The following CDH13 variants were observed in gnomAD, a reference collection of about 807,000 sequenced individuals.
The protein encoded by CDH13 is cadherin-13.
In CDH13, 24 loss-of-function variants were observed where a neutral mutation model predicts 63.8. The observed-to-expected ratio is 0.38, with a 90% CI of 0.27 to 0.53. CDH13 has a LOEUF of 0.53. Ranked by LOEUF, CDH13 falls within the 20% of genes least tolerant of loss-of-function variation. The pLI is 0.85. For synonymous variants in CDH13, 503 were observed against 355.3 expected (o/e 1.42, Z -4.67); for missense variants, 1,049 against 903.1 (o/e 1.16, Z -2.07).
chr16:83,278,508 T>G (rs1411071053), intron 5 of CDH13, among the ~76,000 whole-genome samples: 3 of 152,132 alleles, frequency 2.0e-5, no homozygotes, highest in African/African-American at 7.2e-5. Context: ...CCCGTTATAG[T>G]TGGTTTTGAG....
chr16:83,285,966 T>C (rs542502184), intron 5 of CDH13, among the ~76,000 whole-genome samples: 11 of 152,164 alleles, frequency 7.2e-5, no homozygotes, highest in Non-Finnish European at 1.6e-4. Flanking sequence ...TTCCTGCCCA[T>C]GTCCTGCCCA....
intron 4 of CDH13, among the ~76,000 whole-genome samples, chr16:83,168,029 T>C (rs552454930): frequency 6.6e-6 from 1 of 151,874 alleles, no homozygotes; most frequent in South Asian, 2.1e-4. Context: ...ATGGCAACAA[T>C]AGACAGTGGG....
chr16:82,957,570 T>C (rs1293686288), intron 2 of CDH13, among the ~76,000 whole-genome samples: 2 of 152,188 alleles, frequency 1.3e-5, no homozygotes, highest in East Asian at 1.9e-4. Flanking sequence ...CCCCCTGCTA[T>C]CTTCTGAATC....
At chr16:82,951,565 C>T (rs1240456898) in intron 2 of CDH13, among the ~76,000 whole-genome samples, 7 of 152,164 alleles carry the variant, frequency 4.6e-5, no homozygotes, top group Admixed American at 4.6e-4. Flanking sequence ...GAGCTCAGTC[C>T]ATGGCAATGA....
At chr16:83,741,657 C>A (rs1453977258) in intron 10 of CDH13, among the ~76,000 whole-genome samples, 1 of 152,002 alleles carries the variant, frequency 6.6e-6, no homozygotes, top group Non-Finnish European at 1.5e-5. Context: ...TGCATTGATC[C>A]ATTTGGCTAT....
intron 1 of CDH13, among the ~76,000 whole-genome samples, chr16:82,680,113 A>G (rs377493069): frequency 3.9e-5 from 6 of 152,270 alleles, no homozygotes; most frequent in African/African-American, 1.2e-4. Flanking sequence ...CTTCCAGCGT[A>G]GGTCATTGTT....
At chr16:83,010,459 C>G (rs904495036) in intron 2 of CDH13, among the ~76,000 whole-genome samples, 2 of 151,992 alleles carry the variant, frequency 1.3e-5, no homozygotes, top group African/African-American at 4.8e-5. Context: ...AGAGTATAAA[C>G]CATAGGTAAT....
intron 8 of CDH13, among the ~76,000 whole-genome samples, chr16:83,668,778 G>A (rs560291037): frequency 2.8e-4 from 42 of 152,184 alleles, no homozygotes; most frequent in Non-Finnish European, 4.4e-4. Context: ...TTCCTTCTCT[G>A]TGCAATCATC....
chr16:83,035,257 G>A (rs1916745256), intron 3 of CDH13, among the ~76,000 whole-genome samples: 1 of 152,264 alleles, frequency 6.6e-6, no homozygotes, highest in East Asian at 1.9e-4. Context: ...GAGTGCCTGA[G>A]TCAGCTCAGC....
chr16:82,656,004 A>G (rs370656657), intron 1 of CDH13, among the ~76,000 whole-genome samples: 234 of 152,294 alleles, frequency 1.5e-3, no homozygotes, highest in African/African-American at 5.4e-3. Flanking sequence ...TGTGAGAGAC[A>G]GAAACTTCAG....
At chr16:82,726,733 C>A (rs1057121373) in intron 1 of CDH13, among the ~76,000 whole-genome samples, 8 of 152,240 alleles carry the variant, frequency 5.3e-5, no homozygotes, top group Non-Finnish European at 2.9e-5. Context: ...GATTAAGTGC[C>A]TTAAACAGTA....
intron 2 of CDH13, among the ~76,000 whole-genome samples, chr16:82,873,400 T>G (rs1440788403): frequency 6.6e-6 from 1 of 152,226 alleles, no homozygotes; most frequent in Non-Finnish European, 1.5e-5. Flanking sequence ...CCCCATTATC[T>G]TTCCATATGG....
Position 83,624,766 on chromosome 16 carries a change from A to T in CDH13, c.1101+22172A>T, listed in dbSNP as rs142305328. ...GGGGAGAAAATGAGGCCTGTGGTTG[A>T]CTGCACCAACGTGACCTCAAGGAGC... On this transcript the variant is annotated intron_variant, in intron 8 of 13. Coordinates refer to ENST00000567109, the MANE Select transcript of CDH13 (RefSeq NM_001257.5). Among the ~76,000 whole-genome samples the T allele has an allele frequency of 1.9e-4, 29 of 152,216 alleles. 1 individual carries two copies. In the Middle Eastern group the frequency reaches 0.014, roughly 71 times the overall value.
intron 5 of CDH13, among the ~76,000 whole-genome samples, chr16:83,289,275 C>T (rs1020324268): frequency 2.6e-5 from 4 of 152,186 alleles, no homozygotes; most frequent in African/African-American, 7.2e-5. Flanking sequence ...ATTGTAACAC[C>T]AGCTTCACTA....
At chr16:83,312,742 A>G (rs2090027489) in intron 5 of CDH13, among the ~76,000 whole-genome samples, 1 of 152,210 alleles carries the variant, frequency 6.6e-6, no homozygotes, top group Admixed American at 6.5e-5. Context: ...ATTACATAAA[A>G]TAAAACCACA....
intron 6 of CDH13, among the ~76,000 whole-genome samples, chr16:83,362,579 A>G (rs1156531639): frequency 6.6e-6 from 1 of 152,184 alleles, no homozygotes; most frequent in East Asian, 1.9e-4. Flanking sequence ...GAGATTGGGT[A>G]TTACTGTCTC....
chr16:83,508,749 C>CT (rs1449370975), intron 7 of CDH13, among the ~76,000 whole-genome samples: 1 of 152,200 alleles, frequency 6.6e-6, no homozygotes, highest in Non-Finnish European at 1.5e-5. Context: ...TTCTCCCTCA[C>CT]TTGTGCTTCT....
intron 1 of CDH13, among the ~76,000 whole-genome samples, chr16:82,679,500 C>T (rs1000105981): frequency 6.6e-6 from 1 of 152,150 alleles, no homozygotes; most frequent in Non-Finnish European, 1.5e-5. Flanking sequence ...AAAAATAACG[C>T]CTGGTAAGAT....
At chr16:83,374,912 C>T (rs2091434060) in intron 6 of CDH13, among the ~76,000 whole-genome samples, 1 of 152,146 alleles carries the variant, frequency 6.6e-6, no homozygotes, top group Non-Finnish European at 1.5e-5. Context: ...ATGTGGGCAG[C>T]CTATATATAC....
Sources: allele counts gnomAD v4.1 joint callset (sites outside exome capture counted in the v4.1 genomes callset), GRCh38; gene constraint gnomAD v4.1.1; transcripts MANE v1.5; gene names NCBI Gene and HGNC (gene_info 2026-07-23, HGNC 2026-07-21).